The following TENM3 variants were observed in gnomAD, a reference collection of about 807,000 sequenced individuals.
The protein encoded by TENM3 is teneurin-3.
In TENM3, 63 loss-of-function variants were observed where a neutral mutation model predicts 255.1. The ratio of observed to expected loss-of-function variants is 0.25; its 90% CI spans 0.20 to 0.30. The LOEUF is 0.30. Ranked by LOEUF, TENM3 falls within the 10% of genes least tolerant of loss-of-function variation. The pLI, the probability that TENM3 is intolerant of heterozygous loss-of-function variation, is 1.00. For synonymous variants in TENM3, 1,306 were observed against 1,322.3 expected (o/e 0.99, Z 0.27); for missense variants, 2,929 against 3,461.1 (o/e 0.85, Z 3.86).
At chr4:182,566,832 C>T (rs1447603586) in intron 3 of TENM3, among the ~76,000 whole-genome samples, 4 of 152,170 alleles carry the variant, frequency 2.6e-5, no homozygotes, top group Non-Finnish European at 4.4e-5. Context: ...TCATAGCAGA[C>T]GCACAGGTGT....
At chr4:182,179,660 A>G (rs1312021544) in intron 1 of TENM3, among the ~76,000 whole-genome samples, 2 of 152,288 alleles carry the variant, frequency 1.3e-5, no homozygotes, top group East Asian at 1.9e-4. Context: ...TGAAACTGTC[A>G]TTTCCCTCTC....
intron 3 of TENM3, among the ~76,000 whole-genome samples, chr4:182,527,291 A>G (rs1739298522): frequency 6.6e-6 from 1 of 152,214 alleles, no homozygotes; most frequent in African/African-American, 2.4e-5. Flanking sequence ...TTCCAAAAAG[A>G]AACTTGCTTG....
chr4:181,523,310 G>C, the TENM3 span, among the ~76,000 whole-genome samples: 1 of 151,956 alleles, frequency 6.6e-6, no homozygotes, highest in African/African-American at 2.4e-5. Flanking sequence ...TTCCACAGTA[G>C]AGTTTGAAAA....
At position 182,673,024 on chromosome 4, in the gene TENM3, G is replaced by T. The variant is rs764546164; in HGVS notation, c.1131G>T (p.Thr377=). 5.0e-6 allele frequency: 8 copies of T among 1,589,264 alleles called. No individual in the cohort carries two copies. The Admixed American group carries it at 1.1e-4, about 21-fold the overall frequency. ...SGDNGKLGGF[T]QENNTIDSGE... The stretch of plus-strand genomic sequence containing the variant: ...ATTCAGGAAAATTAGGTGGATTTAC[G>T]CAAGAAAATAACACCATAGATTCCG... Residue 377 remains threonine, a synonymous_variant, in exon 7 of 28, where the codon ACG becomes ACT. Coordinates refer to ENST00000511685, the MANE Select transcript of TENM3 (RefSeq NM_001080477.4).
intron 3 of TENM3, among the ~76,000 whole-genome samples, chr4:182,348,767 G>T (rs1259193243): frequency 6.6e-6 from 1 of 152,056 alleles, no homozygotes; most frequent in Non-Finnish European, 1.5e-5. Context: ...TCTCATGGTG[G>T]ATCCCCAAAC....
the TENM3 span, among the ~76,000 whole-genome samples, chr4:181,639,445 T>C: frequency 6.6e-6 from 1 of 152,092 alleles, no homozygotes; most frequent in Non-Finnish European, 1.5e-5. Flanking sequence ...GTCCGGTTAA[T>C]ATCCCCACCA....
At chr4:182,524,563 G>A (rs1404561090) in intron 3 of TENM3, among the ~76,000 whole-genome samples, 1 of 151,588 alleles carries the variant, frequency 6.6e-6, no homozygotes, top group Non-Finnish European at 1.5e-5. Flanking sequence ...GTTTTGCTAT[G>A]TTGCCAGAGC....
chr4:181,904,662 T>A, the TENM3 span, among the ~76,000 whole-genome samples: 1 of 152,202 alleles, frequency 6.6e-6, no homozygotes, highest in African/African-American at 2.4e-5. Context: ...CTGTCCTCGC[T>A]GCCAGCCATG....
the TENM3 span, among the ~76,000 whole-genome samples, chr4:182,052,369 G>T: frequency 6.6e-6 from 1 of 152,182 alleles, no homozygotes; most frequent in South Asian, 2.1e-4. Context: ...TGGAACTCAG[G>T]CTACAGAAGT....
the TENM3 span, among the ~76,000 whole-genome samples, chr4:181,476,283 G>T: frequency 6.6e-6 from 1 of 150,480 alleles, no homozygotes; most frequent in Non-Finnish European, 1.5e-5. Flanking sequence ...TGCTAGATAT[G>T]TGGGAGAGGT....
chr4:181,490,392 T>G, the TENM3 span, among the ~76,000 whole-genome samples: 1 of 152,238 alleles, frequency 6.6e-6, no homozygotes, highest in East Asian at 1.9e-4. Flanking sequence ...GGGGATGTGC[T>G]GAGGCATCCA....
chr4:181,952,764 C>A, the TENM3 span, among the ~76,000 whole-genome samples: 1 of 152,224 alleles, frequency 6.6e-6, no homozygotes, highest in African/African-American at 2.4e-5. Flanking sequence ...GCCTCAGATT[C>A]GGAGATCAGT....
chr4:182,228,384 G>GTATATA (rs1561218880), intron 1 of TENM3, among the ~76,000 whole-genome samples: 9 of 127,372 alleles, frequency 7.1e-5, no homozygotes, highest in South Asian at 2.5e-4. Context: ...GTGTGTGTGT[G>GTATATA]TGTGTGTGTA....
the TENM3 span, among the ~76,000 whole-genome samples, chr4:181,584,034 C>G: frequency 3.9e-5 from 6 of 152,178 alleles, no homozygotes; most frequent in African/African-American, 1.4e-4. Context: ...TTCTTGCAGG[C>G]AGTGAGCACT....
intron 3 of TENM3, among the ~76,000 whole-genome samples, chr4:182,596,722 A>T (rs567134269): frequency 8.5e-5 from 13 of 152,310 alleles, no homozygotes; most frequent in Non-Finnish European, 1.6e-4. Context: ...ATCTGTGACC[A>T]AATATAACAT....
chr4:181,610,813 G>A, the TENM3 span, among the ~76,000 whole-genome samples: 1 of 152,194 alleles, frequency 6.6e-6, no homozygotes, highest in East Asian at 1.9e-4. Context: ...GTTTATCAGG[G>A]CAGAACAAGA....
chr4:182,191,916 C>A (rs553407497), intron 1 of TENM3, among the ~76,000 whole-genome samples: 2 of 152,018 alleles, frequency 1.3e-5, no homozygotes, highest in Non-Finnish European at 2.9e-5. Context: ...TTGTATGAGC[C>A]AATACATCAT....
Position 182,346,943 on chromosome 4 carries a change from T to G in TENM3, c.511+14T>G. The G allele has an allele frequency of 6.4e-7, 1 of 1,551,306 alleles. No individual in the cohort carries two copies. Reference sequence around the variant, plus strand: ...ACAGTGAGAATGGTAAGTTTCCTTTTTGGCTTTATAATGTTGGCATTCAGT... The same window carrying G: ...ACAGTGAGAATGGTAAGTTTCCTTTGTGGCTTTATAATGTTGGCATTCAGT... On this transcript the variant is annotated intron_variant, in intron 3 of 27. Transcript: ENST00000511685.
chr4:181,568,651 C>T, the TENM3 span, among the ~76,000 whole-genome samples: 1 of 152,168 alleles, frequency 6.6e-6, no homozygotes, highest in African/African-American at 2.4e-5. Flanking sequence ...TTGTGCTGAC[C>T]TATTTCTTTC....
Sources: allele counts gnomAD v4.1 joint callset (sites outside exome capture counted in the v4.1 genomes callset), GRCh38; gene constraint gnomAD v4.1.1; transcripts MANE v1.5; gene names NCBI Gene and HGNC (gene_info 2026-07-23, HGNC 2026-07-21).